Variants in CPNE8 observed in about 807,000 individuals in gnomAD.
The protein encoded by CPNE8 is copine-8.
CPNE8 carries 45 observed loss-of-function variants against 81.5 expected under a neutral mutation model. That is an observed-to-expected ratio of 0.55 (90% CI 0.44 to 0.71). CPNE8 has a LOEUF of 0.71. Among genes scored for constraint, CPNE8 ranks in the 30% least tolerant of loss-of-function variants. The probability of loss-of-function intolerance (pLI) is 0.00; values close to 1 mark genes in which losing one functional copy is unlikely to be tolerated. For missense variants in CPNE8, 594 were observed against 672.1 expected (o/e 0.88, Z 1.28); for synonymous variants, 252 against 226.3 (o/e 1.11, Z -1.02).
intron 10 of CPNE8, among the ~76,000 whole-genome samples, chr12:38,752,187 T>C (rs535993853): frequency 6.6e-6 from 1 of 152,310 alleles, no homozygotes; most frequent in East Asian, 1.9e-4. Flanking sequence ...TATTTATTTC[T>C]AACAGATGCA....
At chr12:38,687,644 A>G (rs1368157840) in intron 15 of CPNE8, among the ~76,000 whole-genome samples, 1 of 152,028 alleles carries the variant, frequency 6.6e-6, no homozygotes, top group Non-Finnish European at 1.5e-5. Context: ...AGCCTCCCAA[A>G]GTGCTGGGAT....
intron 11 of CPNE8, among the ~76,000 whole-genome samples, chr12:38,727,328 T>C (rs377275626): frequency 1.3e-5 from 2 of 152,128 alleles, no homozygotes; most frequent in Admixed American, 6.5e-5. Flanking sequence ...TTAAAAGCCA[T>C]TGGAGGGGAC....
chr12:38,681,402 A>G (rs7971922), intron 16 of CPNE8, among the ~76,000 whole-genome samples: 145,730 of 152,190 alleles, frequency 0.96, 69,925 homozygotes, highest in East Asian at 1. Flanking sequence ...TTAGACATTC[A>G]ACATAGTATT....
chr12:38,809,646 C>T (rs1942894351), intron 6 of CPNE8, among the ~76,000 whole-genome samples: 1 of 152,146 alleles, frequency 6.6e-6, no homozygotes, highest in Admixed American at 6.5e-5. Context: ...CATATAAAAA[C>T]ACATTCACTC....
In CPNE8 at chr12:38,653,774, C is replaced by A; in HGVS notation, c.*108G>T. 4 of 1,420,326 alleles carry A rather than the reference C, an allele frequency of 2.8e-6. No homozygotes were observed. Among genetic ancestry groups the A allele is most frequent in the Non-Finnish European group, 2.8e-6 (3 of 1,088,558 alleles). The allele number at this position is 1,420,326 out of a possible 1,614,324, so 88.0% of individuals were successfully genotyped here. On this transcript the variant is annotated 3_prime_UTR_variant, in exon 20 of 20. Coordinates refer to ENST00000331366, the MANE Select transcript of CPNE8 (RefSeq NM_153634.3). ...CAAGAAAGCACATTAACTGCTGAAA[C>A]CAAACTGAGAAAACTATCTCATTGC...
chr12:38,838,026 G>A (rs1015249051), intron 5 of CPNE8, among the ~76,000 whole-genome samples: 1 of 152,054 alleles, frequency 6.6e-6, no homozygotes, highest in Non-Finnish European at 1.5e-5. Context: ...CCATGTTTAA[G>A]GTACCTTCCT....
chr12:38,805,520 G>C (rs1183046966), intron 6 of CPNE8, among the ~76,000 whole-genome samples: 1 of 108,632 alleles, frequency 9.2e-6, no homozygotes, highest in Non-Finnish European at 1.9e-5. Context: ...GTGGGGTCGG[G>C]GGATGGGGGA....
At chr12:38,798,353 C>G (rs7953319) in intron 6 of CPNE8, among the ~76,000 whole-genome samples, 122,991 of 152,068 alleles carry the variant, frequency 0.81, 51,955 homozygotes, top group Non-Finnish European at 0.92. Flanking sequence ...CTGATCTCTC[C>G]GCAGAAACTC....
At chr12:38,662,407 T>C (rs1565558534) in intron 19 of CPNE8, among the ~76,000 whole-genome samples, 1 of 151,996 alleles carries the variant, frequency 6.6e-6, no homozygotes, top group Non-Finnish European at 1.5e-5. Context: ...TCATTTATAA[T>C]AGCCAAAAAA....
chr12:38,905,683 A>G, upstream of CPNE8: 1 of 1,465,166 alleles, frequency 6.8e-7, no homozygotes, highest in East Asian at 2.5e-5. Flanking sequence ...GAGGGAAGGG[A>G]GGAGGCGGAC....
At chr12:38,778,740 A>G (rs1337507792) in intron 6 of CPNE8, among the ~76,000 whole-genome samples, 2 of 152,134 alleles carry the variant, frequency 1.3e-5, no homozygotes, top group East Asian at 1.9e-4. Context: ...TTCTTTTCTC[A>G]AGTTGATTAT....
At chr12:38,795,462 T>C (rs1446024518) in intron 6 of CPNE8, among the ~76,000 whole-genome samples, 1 of 152,078 alleles carries the variant, frequency 6.6e-6, no homozygotes, top group African/African-American at 2.4e-5. Flanking sequence ...ATCTAAGAAG[T>C]AGAAGCAACC....
chr12:38,763,612 G>A (rs776957551), intron 8 of CPNE8, among the ~76,000 whole-genome samples: 16 of 152,206 alleles, frequency 1.1e-4, no homozygotes, highest in Middle Eastern at 3.4e-3. Context: ...CCTTAAGCTC[G>A]GTTTTCTGAT....
At chr12:38,751,693 G>T (rs1941355771) in intron 10 of CPNE8, among the ~76,000 whole-genome samples, 1 of 149,106 alleles carries the variant, frequency 6.7e-6, no homozygotes, top group Non-Finnish European at 1.5e-5. Flanking sequence ...TGGCACTGGA[G>T]ATAAAAAAAT....
At chr12:38,815,871 A>G (rs1157935315) in intron 6 of CPNE8, among the ~76,000 whole-genome samples, 1 of 152,220 alleles carries the variant, frequency 6.6e-6, no homozygotes, top group African/African-American at 2.4e-5. Flanking sequence ...AGTAACAAAA[A>G]CAAAGTAAAC....
chr12:38,773,497 T>TA (rs1302519951), intron 7 of CPNE8, among the ~76,000 whole-genome samples: 1 of 152,022 alleles, frequency 6.6e-6, no homozygotes, highest in Non-Finnish European at 1.5e-5. Context: ...TAAACTGGTT[T>TA]AAAAAAATTG....
intron 6 of CPNE8, among the ~76,000 whole-genome samples, chr12:38,777,811 G>A (rs959290373): frequency 6.6e-6 from 1 of 152,168 alleles, no homozygotes; most frequent in African/African-American, 2.4e-5. Context: ...AGCACGAGAT[G>A]AGTGGCAGGC....
At chr12:38,828,854 G>C (rs1381103013) in intron 6 of CPNE8, among the ~76,000 whole-genome samples, 48 of 152,164 alleles carry the variant, frequency 3.2e-4, no homozygotes, top group Admixed American at 3.1e-3. Flanking sequence ...ATCAACTCAT[G>C]CAATTGACAT....
At chr12:38,857,011 CTT>C (rs753256479) in intron 3 of CPNE8, among the ~76,000 whole-genome samples, 8 of 151,296 alleles carry the variant, frequency 5.3e-5, no homozygotes, top group Non-Finnish European at 1.0e-4. Flanking sequence ...AAAAAATACT[CTT>C]TTTTTGAAAT....
Sources: gnomAD v4.1 joint callset for allele counts (sites outside exome capture counted in the v4.1 genomes callset) on GRCh38, gnomAD v4.1.1 for gene constraint, MANE v1.5 for transcripts, NCBI Gene and HGNC (gene_info 2026-07-23, HGNC 2026-07-21) for gene names.